CHMP3: variants seen among roughly 807,000 people sequenced by gnomAD.
CHMP3 encodes charged multivesicular body protein 3.
Under a neutral mutation model 27.4 loss-of-function variants are expected in CHMP3, and 8 were observed. The observed-to-expected ratio is 0.29, with a 90% CI of 0.17 to 0.53. The LOEUF is 0.53. Among genes scored for constraint, CHMP3 ranks in the 20% least tolerant of loss-of-function variants. The pLI is 0.96. For missense variants in CHMP3, 208 were observed against 271.5 expected (o/e 0.77, Z 1.64); for synonymous variants, 86 against 85.5 (o/e 1.01, Z -0.03).
At chr2:86,555,334 G>A (rs1263424502) in intron 1 of CHMP3, among the ~76,000 whole-genome samples, 3 of 152,048 alleles carry the variant, frequency 2.0e-5, no homozygotes, top group Non-Finnish European at 4.4e-5. Flanking sequence ...GTAAGAAAAT[G>A]CAATAAAGAG....
intron 2 of CHMP3, among the ~76,000 whole-genome samples, chr2:86,533,711 C>T (rs962015193): frequency 2.0e-5 from 3 of 152,246 alleles, no homozygotes; most frequent in Admixed American, 6.5e-5. Context: ...CGCCATGTTG[C>T]CTAGGCTGGC....
At chr2:86,517,903 C>A (rs1675379870) in intron 3 of CHMP3, among the ~76,000 whole-genome samples, 1 of 152,018 alleles carries the variant, frequency 6.6e-6, no homozygotes, top group Admixed American at 6.6e-5. Flanking sequence ...TGCTTGTAGT[C>A]CCAGATACCC....
intron 3 of CHMP3, among the ~76,000 whole-genome samples, chr2:86,522,170 A>G (rs1376470819): frequency 1.3e-5 from 2 of 152,186 alleles, no homozygotes; most frequent in African/African-American, 4.8e-5. Context: ...CTGCATTTTA[A>G]TAGGGGAACA....
At chr2:86,507,693 ATCCTT>A in intron 4 of CHMP3, 100 bp from the exon 5 acceptor site, 2 of 978,098 alleles carry the variant, frequency 2.0e-6, no homozygotes, top group Non-Finnish European at 3.2e-6. Context: ...AGTCCAGTCT[ATCCTT>A]TCAAGAGCTG....
intron 2 of CHMP3, among the ~76,000 whole-genome samples, chr2:86,536,045 G>C (rs1311454969): frequency 7.5e-6 from 1 of 133,868 alleles, no homozygotes; most frequent in Non-Finnish European, 1.5e-5. Context: ...GCCCAGGCTG[G>C]AGTGCAGTGG....
At chr2:86,540,554 A>C (rs1380385492) in intron 2 of CHMP3, 1 of 152,142 alleles carries the variant, frequency 6.6e-6, no homozygotes, top group Non-Finnish European at 1.5e-5. Context: ...TGCTGACAGG[A>C]TACTCAAAGG....
intron 3 of CHMP3, among the ~76,000 whole-genome samples, chr2:86,517,123 A>C (rs1176827054): frequency 6.6e-6 from 1 of 152,224 alleles, no homozygotes; most frequent in Non-Finnish European, 1.5e-5. Flanking sequence ...TTAATTTAAA[A>C]AAAATTAAAG....
intron 1 of CHMP3, among the ~76,000 whole-genome samples, chr2:86,561,052 A>C (rs968756809): frequency 5.3e-5 from 8 of 152,208 alleles, no homozygotes; most frequent in African/African-American, 1.9e-4. Flanking sequence ...GCGGGGACAC[A>C]GATCCAAACC....
intron 1 of CHMP3, among the ~76,000 whole-genome samples, chr2:86,543,335 T>G (rs1039618411): frequency 1.3e-5 from 2 of 152,370 alleles, no homozygotes; most frequent in Middle Eastern, 3.4e-3. Flanking sequence ...TTTGTGAAAG[T>G]TGTCAGAATC....
At chr2:86,555,167 A>G (rs1237511121) in intron 1 of CHMP3, among the ~76,000 whole-genome samples, 2 of 152,180 alleles carry the variant, frequency 1.3e-5, no homozygotes, top group Non-Finnish European at 2.9e-5. Context: ...ATATGTTGTC[A>G]TAGATTTATA....
chr2:86,554,915 C>T (rs1310480025), intron 1 of CHMP3, among the ~76,000 whole-genome samples: 1 of 149,600 alleles, frequency 6.7e-6, no homozygotes, highest in Non-Finnish European at 1.5e-5. Context: ...TGGGTGATCT[C>T]GGCTCACTGC....
chr2:86,520,261 C>T (rs1370834656), intron 3 of CHMP3, among the ~76,000 whole-genome samples: 1 of 152,154 alleles, frequency 6.6e-6, no homozygotes, highest in African/African-American at 2.4e-5. Flanking sequence ...GAGGTTTAAT[C>T]AGCTCACAGT....
intron 3 of CHMP3, among the ~76,000 whole-genome samples, chr2:86,528,017 T>C (rs1675781830): frequency 2.0e-5 from 3 of 152,268 alleles, no homozygotes; most frequent in South Asian, 4.1e-4. Context: ...TAAAGGATGA[T>C]GTGGTACAAA....
rs964912841 is a variant in CHMP3, at chr2:86,503,480, T to C, written c.*2324A>G. ...TATTTATTCAAATGAATTAAAAACA[T>C]GCCCATAGAAAAACCTGCACAAAGA... On this transcript the variant is annotated 3_prime_UTR_variant, in exon 6 of 6. Transcript: ENST00000263856. 6.6e-6 allele frequency: 1 copy of C among 152,168 alleles called. No homozygotes were observed. Among genetic ancestry groups the C allele is most frequent in the African/African-American group, 2.4e-5 (1 of 41,442 alleles). 9.4% of individuals were successfully genotyped at this position (152,168 alleles called of 1,614,324 possible).
intron 4 of CHMP3, 77 bp from the exon 5 acceptor site, chr2:86,507,670 G>A (rs902394245): frequency 4.8e-5 from 62 of 1,279,108 alleles, no homozygotes; most frequent in South Asian, 4.5e-4. Flanking sequence ...CACCTAGACC[G>A]AGCTCTAGCC....
At chr2:86,525,882 A>C (rs1019944942) in intron 3 of CHMP3, among the ~76,000 whole-genome samples, 1 of 152,170 alleles carries the variant, frequency 6.6e-6, no homozygotes, top group African/African-American at 2.4e-5. Flanking sequence ...ATCTGAGTGG[A>C]GATGCCAATT....
At chr2:86,518,781 T>G (rs913529489) in intron 3 of CHMP3, among the ~76,000 whole-genome samples, 4 of 152,144 alleles carry the variant, frequency 2.6e-5, no homozygotes, top group African/African-American at 9.6e-5. Context: ...AAAATGCCCC[T>G]AGTTGAGAAT....
Position 86,505,613 on chromosome 2 carries a change from T to C in CHMP3, c.*191A>G. 1 of 660,164 alleles carries C rather than the reference T, an allele frequency of 1.5e-6. No individual in the cohort carries two copies. Among genetic ancestry groups the C allele is most frequent in the Non-Finnish European group, 2.3e-6 (1 of 443,220 alleles). The allele number at this position is 660,164 out of a possible 1,614,324, so 40.9% of individuals were successfully genotyped here. ...ATATATCTGTCTATACTCCTAAAAATGATGCATTTATTTATGCCACTTTTA... is the reference window on the plus strand; with the variant it reads ...ATATATCTGTCTATACTCCTAAAAACGATGCATTTATTTATGCCACTTTTA... On this transcript the variant is annotated 3_prime_UTR_variant, in exon 6 of 6. Coordinates refer to ENST00000263856, the MANE Select transcript of CHMP3 (RefSeq NM_016079.4).
At chr2:86,530,788 C>A (rs1675889634) in intron 2 of CHMP3, among the ~76,000 whole-genome samples, 1 of 152,210 alleles carries the variant, frequency 6.6e-6, no homozygotes, top group African/African-American at 2.4e-5. Flanking sequence ...TTCTCACTAA[C>A]AGTATACAAA....
Sources: gnomAD v4.1 joint callset for allele counts (sites outside exome capture counted in the v4.1 genomes callset) on GRCh38, gnomAD v4.1.1 for gene constraint, MANE v1.5 for transcripts, NCBI Gene and HGNC (gene_info 2026-07-23, HGNC 2026-07-21) for gene names.